The following MMP25 variants were observed in gnomAD, a reference collection of about 807,000 sequenced individuals.
MMP25 encodes matrix metalloproteinase-25.
In MMP25, 68 loss-of-function variants were observed where a neutral mutation model predicts 62.1. The ratio of observed to expected loss-of-function variants is 1.10; its 90% CI spans 0.90 to 1.34. The LOEUF is 1.34. Ranked by LOEUF, MMP25 falls within the 40% of genes most tolerant of loss-of-function variation. The pLI is 0.00. For synonymous variants in MMP25, 407 were observed against 345.6 expected (o/e 1.18, Z -1.97); for missense variants, 942 against 792.5 (o/e 1.19, Z -2.26).
Position 3,059,023 on chromosome 16 carries a change from G to A in MMP25, c.1614G>A (p.Gln538=). The change falls in exon 10 of 10, where the codon CAG becomes CAA. Residue 538 remains glutamine, a synonymous_variant. Coordinates refer to ENST00000336577, the MANE Select transcript of MMP25 (RefSeq NM_022468.5). ...GCGATTGTCAGTGCGAGCTCAACCA[G>A]GCCGCAGGACGTTGGCCTGCTCCCA... ...ETCDCQCELN[Q]AAGRWPAPIP... The A allele has an allele frequency of 6.4e-7, 1 of 1,555,880 alleles. No individual in the cohort carries two copies. Among genetic ancestry groups the A allele is most frequent in the Non-Finnish European group, 8.7e-7 (1 of 1,149,644 alleles).
chr16:3,057,559 G>A lies in MMP25; in HGVS notation c.952G>A (p.Glu318Lys), dbSNP rs1235611940. The change falls in exon 7 of 10, where the codon GAG becomes AAG. Residue 318 changes from glutamate (E) to lysine (K), a missense_variant. Glu to Lys is a moderately conservative substitution (Grantham distance 56). Transcript: ENST00000336577. ...SPSFPIPDRC[E>K]GNFDAIANIR... ...ATCCTTCCCCATCCCTGATCGATGT[G>A]AGGGCAATTTTGACGCCATCGCCAA... 2 of 1,614,036 alleles carry A rather than the reference G, an allele frequency of 1.2e-6. No individual in the cohort carries two copies. The highest frequency in any genetic ancestry group is 2.2e-5 in the East Asian group (1 of 44,896).
In MMP25 at chr16:3,050,103, T is replaced by TCTGAG. The variant is rs1432274924; in HGVS notation, c.329_333dup (p.Gly112Ter). On this transcript the variant is annotated frameshift_variant, in exon 3 of 10. Transcript: ENST00000336577. LOFTEE classifies it high-confidence loss of function. Reference sequence around the variant, plus strand: ...TGGTCAGGCGGCGTCGCCGGTACGCTCTGAGCGGCAGCGTGTGGAAGAAGC... The same window carrying TCTGAG: ...TGGTCAGGCGGCGTCGCCGGTACGCTCTGAGCTGAGCGGCAGCGTGTGGAAGAAGC... 1.9e-6 allele frequency: 3 copies of TCTGAG among 1,611,022 alleles called. No homozygotes were observed. Among genetic ancestry groups the TCTGAG allele is most frequent in the South Asian group, 2.2e-5 (2 of 91,028 alleles).
chr16:3,054,941 C>G (rs1461046575), intron 4 of MMP25: 1 of 154,262 alleles, frequency 6.5e-6, no homozygotes, highest in African/African-American at 2.4e-5. Context: ...AGTCCTCACA[C>G]TGGGCAGAGC....
Position 3,059,160 on chromosome 16 carries a change from G to A in MMP25, c.*62G>A, listed in dbSNP as rs900427647. 5.5e-6 allele frequency: 8 copies of A among 1,461,032 alleles called. No homozygotes were observed. Among genetic ancestry groups the A allele is most frequent in the Non-Finnish European group, 7.3e-6 (8 of 1,100,474 alleles). 90.5% of individuals were successfully genotyped at this position (1,461,032 alleles called of 1,614,324 possible). A position where few individuals can be genotyped will look rare whatever the true frequency, so the allele number is the denominator to read the frequency against. On this transcript the variant is annotated 3_prime_UTR_variant, in exon 10 of 10. Transcript: ENST00000336577. ...GGCCGAGTCCCCCGCCGCTGGACCTGGTCGGGGGTTGTGAGGCGCTGCGGA... is the reference window on the plus strand; with the variant it reads ...GGCCGAGTCCCCCGCCGCTGGACCTAGTCGGGGGTTGTGAGGCGCTGCGGA...
chr16:3,059,197 T>C lies in MMP25; in HGVS notation c.*99T>C. ...TGAGGCGCTGCGGAGGCCCCTTGTC[T>C]GTTCCCACGGACGGGGGCTCGGGCG... On this transcript the variant is annotated 3_prime_UTR_variant, in exon 10 of 10. Transcript: ENST00000336577. 1 of 1,335,578 alleles carries C rather than the reference T, an allele frequency of 7.5e-7. No homozygotes were observed. The highest frequency in any genetic ancestry group is 9.8e-7 in the Non-Finnish European group (1 of 1,016,898). The allele number at this position is 1,335,578 out of a possible 1,614,324, so 82.7% of individuals were successfully genotyped here. A position where few individuals can be genotyped will look rare whatever the true frequency, so the allele number is the denominator to read the frequency against.
At position 3,050,078 on chromosome 16, in the gene MMP25, T is replaced by G. The variant is rs775912542; in HGVS notation, c.302T>G (p.Leu101Arg). 4 of 1,611,202 alleles carry G rather than the reference T, an allele frequency of 2.5e-6. No homozygotes were observed. The highest frequency in any genetic ancestry group is 3.4e-6 in the Non-Finnish European group (4 of 1,179,888). ...SLPDVLGVAG[L>R]VRRRRRYALS... is the part of the protein sequence containing the mutation. ...CCTGACGTGCTGGGGGTGGCGGGGC[T>G]GGTCAGGCGGCGTCGCCGGTACGCT... Residue 101 changes from leucine to arginine, a missense_variant, in exon 3 of 10, where the codon CTG (leucine) becomes CGG (arginine). Coordinates refer to ENST00000336577, the MANE Select transcript of MMP25 (RefSeq NM_022468.5).
intron 4 of MMP25, chr16:3,054,561 G>A (rs1379153021): frequency 6.5e-6 from 1 of 153,868 alleles, no homozygotes; most frequent in Non-Finnish European, 1.4e-5. Context: ...GGGATGGATG[G>A]ACAGATGCAT....
intron 7 of MMP25, 172 bp from the exon 8 acceptor site, chr16:3,058,009 C>T (rs1011594661): frequency 1.5e-5 from 11 of 745,620 alleles, no homozygotes; most frequent in African/African-American, 1.1e-4. Context: ...GGCCCTGGCA[C>T]TTTTAGCGCT....
In MMP25 at chr16:3,060,424, G is replaced by T. The variant is rs1956093009; in HGVS notation, c.*1326G>T. 1 of 152,134 alleles carries T rather than the reference G, an allele frequency of 6.6e-6. No individual in the cohort carries two copies. Among genetic ancestry groups the T allele is most frequent in the Admixed American group, 6.5e-5 (1 of 15,276 alleles). The allele number at this position is 152,134 out of a possible 1,614,324, so 9.4% of individuals were successfully genotyped here. A position where few individuals can be genotyped will look rare whatever the true frequency, so the allele number is the denominator to read the frequency against. On this transcript the variant is annotated 3_prime_UTR_variant, in exon 10 of 10. Coordinates refer to ENST00000336577, the MANE Select transcript of MMP25 (RefSeq NM_022468.5). ...ACCGATGGCCTGAACCCCATGGGTA[G>T]AGTCACTTAGGGGCCACTTCCTAAG...
intron 2 of MMP25, 160 bp from the exon 3 acceptor site, chr16:3,049,849 C>T: frequency 9.4e-7 from 1 of 1,067,548 alleles, no homozygotes; most frequent in Non-Finnish European, 1.4e-6. Context: ...CTTCCAGAGA[C>T]AGACTGCCTG....
At position 3,047,415 on chromosome 16, in the gene MMP25, G is replaced by T. The variant is rs1488946616; in HGVS notation, c.100G>T (p.Asp34Tyr). ...TCACCTGCCCCCTCCGATGCCCTAGGACTGGCTGACTCGCTATGGTTACCT... is the reference window on the plus strand; with the variant it reads ...TCACCTGCCCCCTCCGATGCCCTAGTACTGGCTGACTCGCTATGGTTACCT... ...PSAQDVSLGVDWLTRYGYLPP... is the reference protein window; with the variant it reads ...PSAQDVSLGVYWLTRYGYLPP... The change falls in exon 2 of 10, where the codon GAC becomes TAC. Residue 34 changes from aspartate to tyrosine, a missense_variant and splice_region_variant. Physicochemically the swap from Asp to Tyr is radical, Grantham distance 160 (BLOSUM62 -3). Coordinates refer to ENST00000336577, the MANE Select transcript of MMP25 (RefSeq NM_022468.5). The T allele has an allele frequency of 6.2e-7, 1 of 1,613,010 alleles. No individual in the cohort carries two copies. Among genetic ancestry groups the T allele is most frequent in the Middle Eastern group, 1.7e-4 (1 of 6,058 alleles).
chr16:3,048,500 T>C (rs1955853078), intron 2 of MMP25, among the ~76,000 whole-genome samples: 1 of 152,082 alleles, frequency 6.6e-6, no homozygotes, highest in South Asian at 2.1e-4. Context: ...AAAAATAAAA[T>C]GCTATTGGCA....
intron 2 of MMP25, 27 bp from the exon 3 acceptor site, chr16:3,049,981 AC>A (rs758409989): frequency 5.0e-6 from 8 of 1,604,606 alleles, no homozygotes; most frequent in African/African-American, 1.3e-5. Flanking sequence ...TTGTGGACAC[AC>A]CCCCCACCGC....
intron 4 of MMP25, chr16:3,056,221 C>G (rs1393670921): frequency 6.9e-6 from 1 of 144,558 alleles, no homozygotes; most frequent in African/African-American, 2.7e-5. Context: ...GGACCTACAT[C>G]CCCAGCAGAT....
chr16:3,050,989 CTA>C (rs1202185413), intron 4 of MMP25: 1 of 153,644 alleles, frequency 6.5e-6, no homozygotes. Flanking sequence ...TGGGGCTTCA[CTA>C]TGTCACCAGG....
chr16:3,055,958 G>A (rs774563083), intron 4 of MMP25: 28 of 455,556 alleles, frequency 6.1e-5, no homozygotes, highest in African/African-American at 4.8e-4. Flanking sequence ...GAATACAGAG[G>A]GAAGAGGCTG....
At position 3,047,536 on chromosome 16, in the gene MMP25, C is replaced by T. The variant is rs750412963; in HGVS notation, c.221C>T (p.Thr74Ile). The change falls in exon 2 of 10, where the codon ACC becomes ATC. Residue 74 changes from threonine to isoleucine, a missense_variant. By Grantham distance (89) the Thr-to-Ile change is moderately conservative (BLOSUM62 -1). Transcript: ENST00000336577. ...VMQRFAGLPE[T>I]GRMDPGTVAT... ...CAGAGGTTCGCGGGGCTGCCGGAGACCGGCCGCATGGGTAGGTGGCCCCCA... is the reference window on the plus strand; with the variant it reads ...CAGAGGTTCGCGGGGCTGCCGGAGATCGGCCGCATGGGTAGGTGGCCCCCA... The T allele has an allele frequency of 6.2e-7, 1 of 1,613,222 alleles. No homozygotes were observed. Among genetic ancestry groups the T allele is most frequent in the South Asian group, 1.1e-5 (1 of 91,052 alleles).
chr16:3,056,587 A>AT (rs1310205937), intron 4 of MMP25, among the ~76,000 whole-genome samples: 2 of 151,566 alleles, frequency 1.3e-5, no homozygotes, highest in Non-Finnish European at 1.5e-5. Context: ...AATTTTTAAA[A>AT]TTTTTTTGTA....
Position 3,060,433 on chromosome 16 carries a change from AG to A in MMP25, c.*1339del, listed in dbSNP as rs1818610389. On this transcript the variant is annotated 3_prime_UTR_variant, in exon 10 of 10. Transcript: ENST00000336577. ...CTGAACCCCATGGGTAGAGTCACTTAGGGGCCACTTCCTAAGTTGCTGTCCA... is the reference window on the plus strand; with the variant it reads ...CTGAACCCCATGGGTAGAGTCACTTAGGGCCACTTCCTAAGTTGCTGTCCA... 6.6e-6 allele frequency: 1 copy of A among 152,050 alleles called. No individual in the cohort carries two copies. Among genetic ancestry groups the A allele is most frequent in the Non-Finnish European group, 1.5e-5 (1 of 68,006 alleles). 9.4% of individuals were successfully genotyped at this position (152,050 alleles called of 1,614,324 possible). A position where few individuals can be genotyped will look rare whatever the true frequency, so the allele number is the denominator to read the frequency against.
Sources: allele counts gnomAD v4.1 joint callset (sites outside exome capture counted in the v4.1 genomes callset), GRCh38; gene constraint gnomAD v4.1.1; transcripts MANE v1.5; gene names NCBI Gene and HGNC (gene_info 2026-07-23, HGNC 2026-07-21).